Variants in PXDNL observed in about 807,000 individuals in gnomAD.
The protein encoded by PXDNL is peroxidasin like, also known as probable oxidoreductase PXDNL.
PXDNL carries 145 observed loss-of-function variants against 150.8 expected under a neutral mutation model. The ratio of observed to expected loss-of-function variants is 0.96; its 90% CI spans 0.84 to 1.10. PXDNL has a LOEUF of 1.10. Ranked by LOEUF, PXDNL falls within the 50% of genes least tolerant of loss-of-function variation. PXDNL has a pLI of 0.00. For synonymous variants in PXDNL, 757 were observed against 725.7 expected (o/e 1.04, Z -0.69); for missense variants, 2,087 against 1,873.9 (o/e 1.11, Z -2.10).
chr8:51,695,318 G>A (rs538086195), intron 1 of PXDNL, among the ~76,000 whole-genome samples: 10 of 152,054 alleles, frequency 6.6e-5, no homozygotes, highest in East Asian at 1.9e-4. Flanking sequence ...TAGGGGTTAC[G>A]TTTACCTTCA....
At chr8:51,328,627 C>T (rs1805588461) in intron 21 of PXDNL, among the ~76,000 whole-genome samples, 1 of 152,114 alleles carries the variant, frequency 6.6e-6, no homozygotes, top group Non-Finnish European at 1.5e-5. Flanking sequence ...ATAGTAACTT[C>T]CCGAACTAAA....
chr8:51,546,527 C>G (rs961157949), intron 4 of PXDNL, among the ~76,000 whole-genome samples: 3 of 152,170 alleles, frequency 2.0e-5, no homozygotes, highest in African/African-American at 7.2e-5. Context: ...GAAGGGAAGG[C>G]AGCTAGCAGA....
At position 51,372,009 on chromosome 8, in the gene PXDNL, C is replaced by T. The variant is rs1460301618; in HGVS notation, c.3765G>A (p.Arg1255=). 1.4e-5 allele frequency: 23 copies of T among 1,612,968 alleles called. No individual in the cohort carries two copies. Among genetic ancestry groups the T allele is most frequent in the Non-Finnish European group, 1.9e-5 (23 of 1,179,522 alleles). ...LTQLKQASLS[R]VLCDNGDSIQ... is the part of the protein sequence containing the mutation. Reference sequence around the variant, plus strand: ...TGCTGTCACCATTGTCACAAAGCACCCGGCTCAGGGACGCCTGCTTCAGCT... The same window carrying T: ...TGCTGTCACCATTGTCACAAAGCACTCGGCTCAGGGACGCCTGCTTCAGCT... Residue 1255 remains arginine (R), a synonymous_variant, in exon 19 of 23, where the codon CGG becomes CGA. Coordinates refer to ENST00000356297, the MANE Select transcript of PXDNL (RefSeq NM_144651.5).
chr8:51,789,246 T>C (rs564505352), intron 1 of PXDNL, among the ~76,000 whole-genome samples: 2 of 152,032 alleles, frequency 1.3e-5, no homozygotes, highest in South Asian at 4.2e-4. Flanking sequence ...GTGAGTTCAA[T>C]CCAAGTTGGA....
At chr8:51,443,734 C>A (rs1351772141) in intron 12 of PXDNL, among the ~76,000 whole-genome samples, 2 of 152,172 alleles carry the variant, frequency 1.3e-5, no homozygotes, top group Admixed American at 1.3e-4. Flanking sequence ...CAAATTCAAT[C>A]TCTTACAATT....
intron 17 of PXDNL, among the ~76,000 whole-genome samples, chr8:51,404,468 T>C (rs781585841): frequency 2.7e-5 from 4 of 149,842 alleles, no homozygotes; most frequent in Non-Finnish European, 5.9e-5. Context: ...ATTAGCCACA[T>C]ACAGAGTGCT....
At chr8:51,627,466 C>T (rs914636957) in intron 2 of PXDNL, among the ~76,000 whole-genome samples, 8 of 151,988 alleles carry the variant, frequency 5.3e-5, no homozygotes, top group Non-Finnish European at 4.4e-5. Context: ...CACTACTAGA[C>T]AATATATTTA....
chr8:51,467,767 T>G (rs1810234562), intron 8 of PXDNL, among the ~76,000 whole-genome samples: 1 of 152,096 alleles, frequency 6.6e-6, no homozygotes, highest in Non-Finnish European at 1.5e-5. Flanking sequence ...GCAATCTTTT[T>G]CTATTTCTCC....
intron 8 of PXDNL, 115 bp downstream of exon 8, chr8:51,472,072 A>G: frequency 1.6e-6 from 1 of 637,472 alleles, no homozygotes. Flanking sequence ...TTTTATCTTT[A>G]AGAAACTCTG....
At chr8:51,541,024 C>A (rs946569840) in intron 4 of PXDNL, among the ~76,000 whole-genome samples, 3 of 151,664 alleles carry the variant, frequency 2.0e-5, no homozygotes, top group Non-Finnish European at 1.5e-5. Flanking sequence ...CTTTGGGGGA[C>A]CAAGGCATGT....
chr8:51,391,025 T>G (rs540734893), intron 17 of PXDNL, among the ~76,000 whole-genome samples: 1 of 152,320 alleles, frequency 6.6e-6, no homozygotes, highest in African/African-American at 2.4e-5. Flanking sequence ...GATAGTTTAC[T>G]GAGAATGATG....
intron 21 of PXDNL, among the ~76,000 whole-genome samples, chr8:51,321,857 G>T (rs1805326468): frequency 6.6e-6 from 1 of 152,158 alleles, no homozygotes; most frequent in African/African-American, 2.4e-5. Context: ...GGAATGAGGG[G>T]ATGCCTGATA....
At chr8:51,532,915 G>C (rs968699577) in intron 4 of PXDNL, among the ~76,000 whole-genome samples, 1 of 152,012 alleles carries the variant, frequency 6.6e-6, no homozygotes, top group African/African-American at 2.4e-5. Flanking sequence ...TAAATGAACC[G>C]CTTTTTTGAT....
chr8:51,422,974 A>T (rs1808995420), intron 14 of PXDNL, among the ~76,000 whole-genome samples: 1 of 152,214 alleles, frequency 6.6e-6, no homozygotes, highest in Non-Finnish European at 1.5e-5. Flanking sequence ...AAAAGAAAAA[A>T]TATATTTTTT....
chr8:51,391,899 T>G, intron 17 of PXDNL, among the ~76,000 whole-genome samples: 1 of 152,192 alleles, frequency 6.6e-6, no homozygotes, highest in Non-Finnish European at 1.5e-5. Flanking sequence ...TTAATCCATC[T>G]TGAATTAATT....
chr8:51,519,640 T>A (rs2130377589), intron 4 of PXDNL, among the ~76,000 whole-genome samples: 1 of 152,270 alleles, frequency 6.6e-6, no homozygotes, highest in Middle Eastern at 3.4e-3. Flanking sequence ...CAAGCTGGAA[T>A]GGCTACACAC....
intron 12 of PXDNL, among the ~76,000 whole-genome samples, chr8:51,432,099 A>G (rs1809262151): frequency 6.6e-6 from 1 of 152,222 alleles, no homozygotes; most frequent in Non-Finnish European, 1.5e-5. Flanking sequence ...TCTTATTGAA[A>G]AAGAGTTAAA....
chr8:51,567,600 A>G (rs1409850976), intron 3 of PXDNL, among the ~76,000 whole-genome samples: 1 of 151,518 alleles, frequency 6.6e-6, no homozygotes, highest in Non-Finnish European at 1.5e-5. Flanking sequence ...TTTTCTTTTC[A>G]TTTGTGTTAG....
At chr8:51,614,034 T>C (rs1268188981) in intron 2 of PXDNL, among the ~76,000 whole-genome samples, 1 of 152,214 alleles carries the variant, frequency 6.6e-6, no homozygotes, top group African/African-American at 2.4e-5. Flanking sequence ...TCCCACCTGA[T>C]GGTTGTGCCA....
Sources: gnomAD v4.1 joint callset for allele counts (sites outside exome capture counted in the v4.1 genomes callset) on GRCh38, gnomAD v4.1.1 for gene constraint, MANE v1.5 for transcripts, NCBI Gene and HGNC (gene_info 2026-07-23, HGNC 2026-07-21) for gene names.